The following FUT9 variants were observed in gnomAD, a reference collection of about 807,000 sequenced individuals.
FUT9 encodes fucosyltransferase 9.
Under a neutral mutation model 29.7 loss-of-function variants are expected in FUT9, and 15 were observed. The ratio of observed to expected loss-of-function variants is 0.51; its 90% CI spans 0.34 to 0.78. The LOEUF (loss-of-function observed/expected upper bound fraction) is 0.78. Among genes scored for constraint, FUT9 ranks in the 30% least tolerant of loss-of-function variants. The pLI, the probability that FUT9 is intolerant of heterozygous loss-of-function variation, is 0.01. For missense variants in FUT9, 319 were observed against 425.4 expected (o/e 0.75, Z 2.20); for synonymous variants, 169 against 153.7 (o/e 1.10, Z -0.74).
intron 2 of FUT9, among the ~76,000 whole-genome samples, chr6:96,173,128 T>C (rs1226185921): frequency 6.6e-6 from 1 of 152,134 alleles, no homozygotes; most frequent in Non-Finnish European, 1.5e-5. Context: ...ATGGCATTTT[T>C]CCATTTCCCT....
intron 1 of FUT9, among the ~76,000 whole-genome samples, chr6:96,074,893 C>G (rs1471990081): frequency 6.6e-6 from 1 of 152,036 alleles, no homozygotes; most frequent in East Asian, 1.9e-4. Flanking sequence ...CTTTCTGCCT[C>G]AGCCTCCTGA....
At chr6:96,122,136 A>T (rs7756679) in intron 2 of FUT9, among the ~76,000 whole-genome samples, 137,792 of 152,136 alleles carry the variant, frequency 0.91, 63,613 homozygotes, top group East Asian at 1. Context: ...ACATTGCATG[A>T]GCCTTATATG....
intron 2 of FUT9, among the ~76,000 whole-genome samples, chr6:96,144,102 C>T (rs1340332207): frequency 1.3e-5 from 2 of 152,190 alleles, no homozygotes; most frequent in African/African-American, 2.4e-5. Flanking sequence ...TATGTTTTCT[C>T]GACATGGAGG....
chr6:96,024,662 A>C (rs997640882), intron 1 of FUT9, among the ~76,000 whole-genome samples: 3 of 151,738 alleles, frequency 2.0e-5, no homozygotes, highest in African/African-American at 7.3e-5. Context: ...AGCTGCCGCA[A>C]TATCTTATAT....
intron 1 of FUT9, among the ~76,000 whole-genome samples, chr6:96,055,546 T>C (rs1770747762): frequency 6.6e-6 from 1 of 151,974 alleles, no homozygotes; most frequent in African/African-American, 2.4e-5. Flanking sequence ...TTTTTAACTT[T>C]ATTGTTCAAG....
At chr6:96,143,954 TAGAA>T (rs1218583730) in intron 2 of FUT9, among the ~76,000 whole-genome samples, 4 of 152,192 alleles carry the variant, frequency 2.6e-5, no homozygotes, top group East Asian at 1.9e-4. Flanking sequence ...GTTGTGTACT[TAGAA>T]AGCCCCAATT....
chr6:96,111,685 CTT>C (rs952390600), intron 1 of FUT9, among the ~76,000 whole-genome samples: 39 of 152,164 alleles, frequency 2.6e-4, no homozygotes, highest in African/African-American at 9.2e-4. Context: ...ATTTTTCTGA[CTT>C]CTCAGCCAAG....
intron 1 of FUT9, among the ~76,000 whole-genome samples, chr6:96,022,227 G>T (rs919014961): frequency 6.6e-6 from 1 of 152,030 alleles, no homozygotes; most frequent in Non-Finnish European, 1.5e-5. Flanking sequence ...AATTCCTGCT[G>T]ACTTTCAAGG....
At chr6:96,102,432 C>T (rs1007179322) in intron 1 of FUT9, among the ~76,000 whole-genome samples, 1 of 151,480 alleles carries the variant, frequency 6.6e-6, no homozygotes, top group Non-Finnish European at 1.5e-5. Flanking sequence ...CTTCCTTTTC[C>T]TTTTATTTGA....
In FUT9 at chr6:96,205,511, T is replaced by C. The variant is rs924783997; in HGVS notation, c.*1276T>C. ...CATATGACCATGATGTTCAGGGCTT[T>C]ATAGAACCAAATAAACCTACCATTA... is the stretch of plus-strand genomic sequence containing the variant. On this transcript the variant is annotated 3_prime_UTR_variant, in exon 3 of 3. Coordinates refer to ENST00000302103, the MANE Select transcript of FUT9 (RefSeq NM_006581.4). The C allele has an allele frequency of 3.0e-5, 5 of 167,034 alleles. No individual in the cohort carries two copies. Among genetic ancestry groups the C allele is most frequent in the African/African-American group, 1.2e-4 (5 of 41,444 alleles). 10.3% of individuals were successfully genotyped at this position (167,034 alleles called of 1,614,324 possible).
At chr6:96,196,713 A>AAAAAT (rs900511113) in intron 2 of FUT9, among the ~76,000 whole-genome samples, 30 of 152,214 alleles carry the variant, frequency 2.0e-4, no homozygotes, top group Middle Eastern at 3.4e-3. Flanking sequence ...TCCATCTCAA[A>AAAAAT]AAAATAAAAT....
chr6:96,141,203 T>G (rs1489095851), intron 2 of FUT9, among the ~76,000 whole-genome samples: 1 of 152,194 alleles, frequency 6.6e-6, no homozygotes, highest in African/African-American at 2.4e-5. Flanking sequence ...TTTATTACTG[T>G]TTTTATACTT....
chr6:96,157,399 G>A (rs1772805829), intron 2 of FUT9, among the ~76,000 whole-genome samples: 1 of 152,084 alleles, frequency 6.6e-6, no homozygotes, highest in Non-Finnish European at 1.5e-5. Flanking sequence ...TATTATTTTG[G>A]TGAGTTTAGT....
chr6:96,058,023 A>G (rs993230995), intron 1 of FUT9, among the ~76,000 whole-genome samples: 2 of 152,026 alleles, frequency 1.3e-5, no homozygotes, highest in African/African-American at 4.8e-5. Flanking sequence ...ACATGATCTC[A>G]TCTGGACTGC....
intron 1 of FUT9, among the ~76,000 whole-genome samples, chr6:96,090,228 T>C (rs1031162642): frequency 4.6e-5 from 7 of 152,094 alleles, no homozygotes; most frequent in Admixed American, 1.3e-4. Flanking sequence ...AAAATTAGCA[T>C]CTTGTATATA....
intron 2 of FUT9, among the ~76,000 whole-genome samples, chr6:96,166,124 A>G (rs1773012209): frequency 3.9e-5 from 6 of 151,978 alleles, no homozygotes; most frequent in Admixed American, 3.9e-4. Flanking sequence ...GAGAGAGAGC[A>G]CACACACAAT....
At chr6:96,057,485 G>A (rs563713419) in intron 1 of FUT9, among the ~76,000 whole-genome samples, 1 of 152,280 alleles carries the variant, frequency 6.6e-6, no homozygotes, top group South Asian at 2.1e-4. Context: ...GAATTGCTAA[G>A]GCACTTTTAT....
intron 2 of FUT9, among the ~76,000 whole-genome samples, chr6:96,117,292 G>C (rs934483205): frequency 1.3e-5 from 2 of 152,188 alleles, no homozygotes; most frequent in African/African-American, 4.8e-5. Flanking sequence ...CATTGCTAGA[G>C]AAAGAAGTTA....
At chr6:96,096,670 T>C (rs1256818191) in intron 1 of FUT9, among the ~76,000 whole-genome samples, 2 of 56,792 alleles carry the variant, frequency 3.5e-5, no homozygotes, top group African/African-American at 1.5e-4. Context: ...GTCTAGTGTG[T>C]TAGTGTCTAA....
Sources: allele counts gnomAD v4.1 joint callset (sites outside exome capture counted in the v4.1 genomes callset), GRCh38; gene constraint gnomAD v4.1.1; transcripts MANE v1.5; gene names NCBI Gene and HGNC (gene_info 2026-07-23, HGNC 2026-07-21).